Variants in DLG2 observed in about 807,000 individuals in gnomAD.
DLG2 encodes discs large MAGUK scaffold protein 2, also known as disks large homolog 2.
Under a neutral mutation model 132.5 loss-of-function variants are expected in DLG2, and 45 were observed. The ratio of observed to expected loss-of-function variants is 0.34; its 90% CI spans 0.27 to 0.44. The LOEUF is 0.44. Among genes scored for constraint, DLG2 ranks in the 20% least tolerant of loss-of-function variants. The pLI is 1.00. For synonymous variants in DLG2, 424 were observed against 419.6 expected (o/e 1.01, Z -0.13); for missense variants, 1,045 against 1,196.9 (o/e 0.87, Z 1.87).
At chr11:85,086,544 C>T (rs931288526) in intron 6 of DLG2, among the ~76,000 whole-genome samples, 1 of 152,198 alleles carries the variant, frequency 6.6e-6, no homozygotes, top group South Asian at 2.1e-4. Context: ...AATAATGTTA[C>T]CAAATATTGC....
intron 8 of DLG2, among the ~76,000 whole-genome samples, chr11:84,247,571 CCAACCCTAATATAT>C: frequency 6.6e-6 from 1 of 152,096 alleles, no homozygotes; most frequent in African/African-American, 2.4e-5. Flanking sequence ...AAGGTCATAC[CCAACCCTAATATAT>C]CATGACCTCA....
At chr11:83,622,061 C>A (rs967956999) in intron 19 of DLG2, among the ~76,000 whole-genome samples, 2 of 152,088 alleles carry the variant, frequency 1.3e-5, no homozygotes, top group African/African-American at 4.8e-5. Flanking sequence ...ATTACAGGTG[C>A]CTGCCACCAT....
intron 6 of DLG2, among the ~76,000 whole-genome samples, chr11:84,932,390 C>T (rs1026866238): frequency 6.6e-6 from 1 of 152,072 alleles, no homozygotes; most frequent in Non-Finnish European, 1.5e-5. Flanking sequence ...TTCTCCATTG[C>T]TTGATTTGAT....
At chr11:84,941,266 T>C (rs2154097521) in intron 6 of DLG2, among the ~76,000 whole-genome samples, 1 of 152,348 alleles carries the variant, frequency 6.6e-6, no homozygotes, top group Middle Eastern at 3.4e-3. Context: ...TCTGTGAGAA[T>C]GTCATTGGTA....
At chr11:84,695,491 C>G (rs1239367113) in intron 6 of DLG2, among the ~76,000 whole-genome samples, 1 of 151,476 alleles carries the variant, frequency 6.6e-6, no homozygotes, top group African/African-American at 2.4e-5. Context: ...AAATTACAGA[C>G]AGAACTGAAG....
chr11:85,230,208 T>C (rs561978492), intron 4 of DLG2, among the ~76,000 whole-genome samples: 5 of 152,172 alleles, frequency 3.3e-5, no homozygotes, highest in African/African-American at 1.2e-4. Flanking sequence ...AAGTGATGTT[T>C]TTTTCTTCTT....
At chr11:84,820,999 G>A (rs1335857952) in intron 6 of DLG2, among the ~76,000 whole-genome samples, 1 of 151,856 alleles carries the variant, frequency 6.6e-6, no homozygotes, top group Non-Finnish European at 1.5e-5. Flanking sequence ...GGAGTAGATA[G>A]ACTGTAAATG....
At chr11:85,584,339 GGTGTGT>G (rs61334060) in intron 3 of DLG2, among the ~76,000 whole-genome samples, 15,114 of 144,922 alleles carry the variant, frequency 0.1, 887 homozygotes, top group African/African-American at 0.16. Context: ...AGTATTCCAT[GGTGTGT>G]GTGTGTGTGT....
At chr11:83,833,068 A>C in intron 17 of DLG2, among the ~76,000 whole-genome samples, 1 of 152,218 alleles carries the variant, frequency 6.6e-6, no homozygotes, top group East Asian at 1.9e-4. Context: ...AACATCTAGA[A>C]GAAAACATTA....
At chr11:83,504,546 G>T (rs2094597650) in intron 21 of DLG2, among the ~76,000 whole-genome samples, 1 of 152,156 alleles carries the variant, frequency 6.6e-6, no homozygotes, top group South Asian at 2.1e-4. Flanking sequence ...GGAGCCCAAA[G>T]TGTCCAGGTG....
chr11:84,956,722 T>C (rs1249712547), intron 6 of DLG2, among the ~76,000 whole-genome samples: 1 of 152,150 alleles, frequency 6.6e-6, no homozygotes, highest in Non-Finnish European at 1.5e-5. Context: ...AAAAGTTAAA[T>C]TATAGAACAA....
chr11:83,980,678 T>G (rs756044981), intron 11 of DLG2, 36 bp from the exon 12 acceptor site: 36 of 1,492,418 alleles, frequency 2.4e-5, no homozygotes, highest in Admixed American at 2.3e-5. Context: ...AAGCCTTGTT[T>G]TGTTGTTGTA....
At chr11:84,745,087 A>G (rs2065192475) in intron 6 of DLG2, among the ~76,000 whole-genome samples, 1 of 152,000 alleles carries the variant, frequency 6.6e-6, no homozygotes, top group African/African-American at 2.4e-5. Context: ...AGAGATCACT[A>G]TTCTTGAATC....
At chr11:84,372,683 T>C (rs552142603) in intron 7 of DLG2, among the ~76,000 whole-genome samples, 3 of 152,290 alleles carry the variant, frequency 2.0e-5, no homozygotes, top group South Asian at 4.1e-4. Flanking sequence ...CTCTAAAAAG[T>C]CACAAATGAC....
At chr11:83,738,245 C>A (rs775484687) in intron 18 of DLG2, among the ~76,000 whole-genome samples, 34 of 152,260 alleles carry the variant, frequency 2.2e-4, no homozygotes, top group South Asian at 1.5e-3. Context: ...TACCCAAACC[C>A]ACATCAGCAA....
intron 6 of DLG2, among the ~76,000 whole-genome samples, chr11:84,572,788 T>C (rs1326728894): frequency 2.0e-5 from 3 of 152,052 alleles, no homozygotes; most frequent in Non-Finnish European, 4.4e-5. Context: ...GCTTGCTTTG[T>C]AAAAATAAAT....
intron 6 of DLG2, among the ~76,000 whole-genome samples, chr11:84,744,411 A>T (rs1448400756): frequency 6.6e-6 from 1 of 152,132 alleles, no homozygotes; most frequent in Non-Finnish European, 1.5e-5. Flanking sequence ...TGCTGTGGCA[A>T]ATTTCTGCAT....
chr11:84,939,033 TA>T (rs1435037083), intron 6 of DLG2, among the ~76,000 whole-genome samples: 2 of 152,072 alleles, frequency 1.3e-5, no homozygotes, highest in Non-Finnish European at 2.9e-5. Context: ...ATTAGAAAGA[TA>T]AATACATAAG....
chr11:85,129,748 C>A (rs780998027), intron 5 of DLG2, among the ~76,000 whole-genome samples: 1 of 152,188 alleles, frequency 6.6e-6, no homozygotes, highest in Non-Finnish European at 1.5e-5. Context: ...TATAAAGACA[C>A]ATGCACACGT....
Sources: gnomAD v4.1 joint callset for allele counts (sites outside exome capture counted in the v4.1 genomes callset) on GRCh38, gnomAD v4.1.1 for gene constraint, MANE v1.5 for transcripts, NCBI Gene and HGNC (gene_info 2026-07-23, HGNC 2026-07-21) for gene names.